Variants in NCMAP observed in about 807,000 individuals in gnomAD.
The protein encoded by NCMAP is non-compact myelin associated protein.
Under a neutral mutation model 7.8 loss-of-function variants are expected in NCMAP, and 8 were observed. The ratio of observed to expected loss-of-function variants is 1.02; its 90% confidence interval spans 0.60 to 1.84. NCMAP has a LOEUF of 1.84. Ranked by LOEUF, NCMAP falls within the 40% of genes most tolerant of loss-of-function variation. NCMAP has a pLI of 0.00. For missense variants in NCMAP, 112 were observed against 131.4 expected (o/e 0.85, Z 0.72); for synonymous variants, 41 against 52.9 (o/e 0.78, Z 0.98).
rs1652825468 is a variant in NCMAP at position 24,608,240 on chromosome 1, C to T, written c.*2493C>T. On this transcript the variant is annotated 3_prime_UTR_variant, in exon 4 of 4. Coordinates refer to ENST00000374392, the MANE Select transcript of NCMAP (RefSeq NM_001010980.5). ...CAAGACTCAAAACCAGGTCTCTTGA[C>T]TCCAAAGTCTGTCTTTTTTGTGAAG... 6.6e-6 allele frequency: 1 copy of T among 152,252 alleles called. No individual in the cohort carries two copies. 9.4% of individuals were successfully genotyped at this position (152,252 alleles called of 1,614,324 possible).
chr1:24,604,709 T>A (rs72886147), intron 3 of NCMAP, among the ~76,000 whole-genome samples: 1 of 120,394 alleles, frequency 8.3e-6, no homozygotes, highest in African/African-American at 3.8e-5. Flanking sequence ...TGGCCAGGCA[T>A]AGTGGCACAC....
intron 1 of NCMAP, among the ~76,000 whole-genome samples, chr1:24,557,688 G>A (rs1247831122): frequency 6.6e-6 from 1 of 152,210 alleles, no homozygotes; most frequent in Non-Finnish European, 1.5e-5. Context: ...TGCCTGGTGG[G>A]AGGGGAGGAG....
intron 1 of NCMAP, among the ~76,000 whole-genome samples, chr1:24,587,353 T>C (rs1308601893): frequency 6.6e-6 from 1 of 152,162 alleles, no homozygotes; most frequent in Non-Finnish European, 1.5e-5. Flanking sequence ...TAAAAACAGA[T>C]TGGCTTCGCA....
chr1:24,560,160 CAA>C (rs67052970), intron 1 of NCMAP, among the ~76,000 whole-genome samples: 152 of 89,532 alleles, frequency 1.7e-3, no homozygotes, highest in African/African-American at 3.5e-3. Flanking sequence ...GACTCCATCT[CAA>C]AAAAAAAAAA....
intron 3 of NCMAP, 136 bp downstream of exon 3, chr1:24,601,160 G>A: frequency 1.5e-6 from 1 of 673,940 alleles, no homozygotes; most frequent in Non-Finnish European, 2.6e-6. Context: ...TAACCCTTGG[G>A]GATCCTTTTT....
intron 1 of NCMAP, among the ~76,000 whole-genome samples, chr1:24,583,725 A>G (rs1411845607): frequency 6.6e-6 from 1 of 151,388 alleles, no homozygotes; most frequent in African/African-American, 2.4e-5. Context: ...CAGAAAAAAA[A>G]AAAAAAAAAA....
intron 1 of NCMAP, among the ~76,000 whole-genome samples, chr1:24,590,234 C>T (rs193030229): frequency 4.6e-5 from 7 of 152,292 alleles, no homozygotes; most frequent in South Asian, 2.1e-4. Context: ...TCTTGGCACA[C>T]GGCAAACACT....
At chr1:24,557,167 C>T (rs545040088) in intron 1 of NCMAP, among the ~76,000 whole-genome samples, 68 of 152,278 alleles carry the variant, frequency 4.5e-4, no homozygotes, top group Non-Finnish European at 9.0e-4. Context: ...CCAGCACCAG[C>T]ACGGTGCCCA....
At chr1:24,585,764 C>T (rs971239965) in intron 1 of NCMAP, among the ~76,000 whole-genome samples, 1 of 152,146 alleles carries the variant, frequency 6.6e-6, no homozygotes, top group African/African-American at 2.4e-5. Context: ...ACTTTTTTCT[C>T]TTTGGGGGAG....
At chr1:24,574,128 G>GT (rs35886293) in intron 1 of NCMAP, among the ~76,000 whole-genome samples, 32 of 145,340 alleles carry the variant, frequency 2.2e-4, no homozygotes, top group East Asian at 8.0e-4. Flanking sequence ...ACTGAGAGGG[G>GT]TTTTTTTTTT....
chr1:24,594,217 C>A (rs1163090929), intron 1 of NCMAP, among the ~76,000 whole-genome samples: 1 of 152,030 alleles, frequency 6.6e-6, no homozygotes, highest in Non-Finnish European at 1.5e-5. Context: ...ATCATCGTGC[C>A]TAGATTATGG....
intron 1 of NCMAP, among the ~76,000 whole-genome samples, chr1:24,580,818 C>G (rs558910897): frequency 1.3e-5 from 2 of 152,208 alleles, no homozygotes; most frequent in African/African-American, 2.4e-5. Context: ...TGTCACCACT[C>G]ACTCCTGAGT....
chr1:24,568,392 C>T (rs1199136912), intron 1 of NCMAP, among the ~76,000 whole-genome samples: 1 of 152,150 alleles, frequency 6.6e-6, no homozygotes, highest in African/African-American at 2.4e-5. Flanking sequence ...TTCTTCCTCC[C>T]TCACCTTACT....
At chr1:24,572,523 C>T (rs1489486837) in intron 1 of NCMAP, among the ~76,000 whole-genome samples, 7 of 150,556 alleles carry the variant, frequency 4.6e-5, no homozygotes, top group South Asian at 2.1e-4. Flanking sequence ...CTGCTAGCCC[C>T]GCCTGGCCAA....
intron 1 of NCMAP, among the ~76,000 whole-genome samples, chr1:24,560,077 C>T (rs1009606610): frequency 2.1e-5 from 3 of 145,428 alleles, no homozygotes; most frequent in Admixed American, 7.3e-5. Context: ...AGGAGAATGG[C>T]GTGAACCCGG....
chr1:24,586,900 C>T (rs1352641814), intron 1 of NCMAP, among the ~76,000 whole-genome samples: 1 of 152,114 alleles, frequency 6.6e-6, no homozygotes, highest in Non-Finnish European at 1.5e-5. Flanking sequence ...GGCCAGTGAG[C>T]TATTTCTTTT....
At chr1:24,578,385 G>C (rs1197895291) in intron 1 of NCMAP, among the ~76,000 whole-genome samples, 2 of 151,490 alleles carry the variant, frequency 1.3e-5, no homozygotes, top group African/African-American at 2.4e-5. Context: ...TTTCCAACTG[G>C]GGTCTCCAGG....
At chr1:24,580,629 T>C (rs1315703963) in intron 1 of NCMAP, among the ~76,000 whole-genome samples, 1 of 152,166 alleles carries the variant, frequency 6.6e-6, no homozygotes, top group African/African-American at 2.4e-5. Flanking sequence ...TTTTGTATTT[T>C]TAGTAGAGAC....
chr1:24,590,627 G>T (rs1021739185), intron 1 of NCMAP, among the ~76,000 whole-genome samples: 14 of 152,184 alleles, frequency 9.2e-5, no homozygotes, highest in South Asian at 8.3e-4. Context: ...TAGAGACAAG[G>T]TCTTGCTCTG....
Sources: allele counts gnomAD v4.1 joint callset (sites outside exome capture counted in the v4.1 genomes callset), GRCh38; gene constraint gnomAD v4.1.1; transcripts MANE v1.5; gene names NCBI Gene and HGNC (gene_info 2026-07-23, HGNC 2026-07-21).